The following WWTR1 variants were observed in gnomAD, a reference collection of about 807,000 sequenced individuals.
The protein encoded by WWTR1 is WW domain-containing transcription regulator protein 1.
Under a neutral mutation model 40.1 loss-of-function variants are expected in WWTR1, and 13 were observed. The observed-to-expected ratio is 0.32, with a 90% CI of 0.21 to 0.52. The LOEUF (loss-of-function observed/expected upper bound fraction) is 0.52, where lower values mean the gene tolerates loss of function less well. Ranked by LOEUF, WWTR1 falls within the 20% of genes least tolerant of loss-of-function variation. The pLI is 0.97. For missense variants in WWTR1, 436 were observed against 523.1 expected (o/e 0.83, Z 1.63); for synonymous variants, 230 against 210.1 (o/e 1.09, Z -0.82).
chr3:149,566,556 T>G (rs960611522), intron 3 of WWTR1, among the ~76,000 whole-genome samples: 2 of 151,526 alleles, frequency 1.3e-5, no homozygotes, highest in Admixed American at 6.6e-5. Context: ...CATGTAAATT[T>G]GATTAAGAAA....
chr3:149,577,594 T>C (rs923392820), intron 2 of WWTR1, among the ~76,000 whole-genome samples: 6 of 152,086 alleles, frequency 3.9e-5, no homozygotes, highest in Non-Finnish European at 7.4e-5. Flanking sequence ...GACAAAAGCA[T>C]GGAGTTTGCT....
chr3:149,606,330 A>G (rs1419216101), intron 2 of WWTR1, among the ~76,000 whole-genome samples: 1 of 152,210 alleles, frequency 6.6e-6, no homozygotes, highest in Non-Finnish European at 1.5e-5. Flanking sequence ...TGTGTCTGCT[A>G]TATGCCCTGG....
chr3:149,723,039 T>A (rs1487951933), intron 4 of WWTR1, among the ~76,000 whole-genome samples: 12 of 152,074 alleles, frequency 7.9e-5, no homozygotes, highest in Non-Finnish European at 1.8e-4. Context: ...TTGTTATTTT[T>A]TTTCCCCCTT....
At chr3:149,634,284 G>A (rs1711700230) in intron 2 of WWTR1, among the ~76,000 whole-genome samples, 1 of 152,202 alleles carries the variant, frequency 6.6e-6, no homozygotes, top group Admixed American at 6.5e-5. Flanking sequence ...GATAAAAATA[G>A]TGTTTCTGTC....
At chr3:149,639,409 T>C (rs976631478) in intron 2 of WWTR1, among the ~76,000 whole-genome samples, 3 of 152,078 alleles carry the variant, frequency 2.0e-5, no homozygotes, top group African/African-American at 7.2e-5. Context: ...GGTCTTGCTC[T>C]GTTGCTCAGG....
At chr3:149,662,793 G>T (rs892208405), upstream of WWTR1, among the ~76,000 whole-genome samples, 1 of 152,116 alleles carries the variant, frequency 6.6e-6, no homozygotes, top group African/African-American at 2.4e-5. Context: ...TCTGACCCTG[G>T]TTCTTACATG....
At chr3:149,579,061 T>C in intron 2 of WWTR1, among the ~76,000 whole-genome samples, 1 of 152,180 alleles carries the variant, frequency 6.6e-6, no homozygotes, top group East Asian at 1.9e-4. Context: ...TACAAAGATA[T>C]AAAAATAGGA....
chr3:149,634,448 C>T lies in WWTR1; in HGVS notation c.431+22428G>A, dbSNP rs532984974. Among the ~76,000 whole-genome samples, 62 of 152,324 alleles carry T rather than the reference C, an allele frequency of 4.1e-4. 1 individual carries two copies. The highest frequency in any genetic ancestry group is 3.9e-3 in the Admixed American group (60 of 15,306). On this transcript the variant is annotated intron_variant, in intron 2 of 6. Coordinates refer to ENST00000360632, the MANE Select transcript of WWTR1 (RefSeq NM_015472.6). Reference sequence around the variant, plus strand: ...AGATAAGAGCAGTAAGGAAAAGCCTCATTATCTCCCACCAAAGTTTCCTTT... The same window carrying T: ...AGATAAGAGCAGTAAGGAAAAGCCTTATTATCTCCCACCAAAGTTTCCTTT...
intron 3 of WWTR1, among the ~76,000 whole-genome samples, chr3:149,559,936 A>G (rs1158573209): frequency 6.6e-6 from 1 of 152,214 alleles, no homozygotes; most frequent in African/African-American, 2.4e-5. Flanking sequence ...GACCGGTTGG[A>G]GGTCTTTCAG....
intron 2 of WWTR1, among the ~76,000 whole-genome samples, chr3:149,577,112 G>A (rs1021705066): frequency 2.0e-5 from 3 of 152,112 alleles, no homozygotes; most frequent in Non-Finnish European, 4.4e-5. Context: ...AGCCGAGATC[G>A]CACCATTGCA....
At chr3:149,627,273 C>G (rs1740606122) in intron 2 of WWTR1, among the ~76,000 whole-genome samples, 1 of 152,108 alleles carries the variant, frequency 6.6e-6, no homozygotes, top group African/African-American at 2.4e-5. Flanking sequence ...TGATCTATTC[C>G]CCTTCTCTCC....
chr3:149,651,813 G>A (rs1299195219), intron 2 of WWTR1, among the ~76,000 whole-genome samples: 2 of 148,548 alleles, frequency 1.3e-5, no homozygotes, highest in African/African-American at 2.5e-5. Context: ...TCATGTAAAT[G>A]TTGCCTATGG....
chr3:149,620,575 C>T (rs1301708605), intron 2 of WWTR1, among the ~76,000 whole-genome samples: 9 of 145,284 alleles, frequency 6.2e-5, no homozygotes, highest in Admixed American at 4.1e-4. Flanking sequence ...CCCCCCCACA[C>T]ACACACACTC....
At chr3:149,607,450 G>A (rs1389571972) in intron 2 of WWTR1, among the ~76,000 whole-genome samples, 2 of 152,140 alleles carry the variant, frequency 1.3e-5, no homozygotes, top group African/African-American at 4.8e-5. Context: ...GAGTAGCTGG[G>A]ACTACAGGCA....
At position 149,525,378 on chromosome 3, in the gene WWTR1, A is replaced by C. The variant is rs1251171750; in HGVS notation, c.1018+635T>G. Among the ~76,000 whole-genome samples, 7 of 152,198 alleles carry C rather than the reference A, an allele frequency of 4.6e-5. 1 individual carries two copies. Among genetic ancestry groups the C allele is most frequent in the Admixed American group, 4.6e-4 (7 of 15,272 alleles). ...GAACAGCATAAATACCCCAATGTGGAAACATGGCAAACAAACAGTGGTGTC... is the reference window on the plus strand; with the variant it reads ...GAACAGCATAAATACCCCAATGTGGCAACATGGCAAACAAACAGTGGTGTC... On this transcript the variant is annotated intron_variant, in intron 6 of 6. Transcript: ENST00000360632.
chr3:149,540,067 T>C, intron 4 of WWTR1: 1 of 299,170 alleles, frequency 3.3e-6, no homozygotes, highest in Admixed American at 3.6e-5. Flanking sequence ...CACCATTCCA[T>C]CTCCTCCTAA....
chr3:149,620,418 G>A (rs951620391), intron 2 of WWTR1, among the ~76,000 whole-genome samples: 2 of 152,106 alleles, frequency 1.3e-5, no homozygotes, highest in African/African-American at 2.4e-5. Flanking sequence ...GACAGTAGGT[G>A]TGACCACAGA....
At chr3:149,561,098 G>A (rs530719321) in intron 3 of WWTR1, among the ~76,000 whole-genome samples, 133 of 152,152 alleles carry the variant, frequency 8.7e-4, no homozygotes, top group Non-Finnish European at 1.5e-3. Flanking sequence ...GAAAAGTGAG[G>A]AAATTAAAGG....
chr3:149,655,423 C>T (rs945456160), intron 2 of WWTR1, among the ~76,000 whole-genome samples: 3 of 151,820 alleles, frequency 2.0e-5, no homozygotes, highest in Non-Finnish European at 4.4e-5. Context: ...CCAGCGTGGG[C>T]GACAGAGTGA....
Sources: allele counts gnomAD v4.1 joint callset (sites outside exome capture counted in the v4.1 genomes callset), GRCh38; gene constraint gnomAD v4.1.1; transcripts MANE v1.5; gene names NCBI Gene and HGNC (gene_info 2026-07-23, HGNC 2026-07-21).